The following SLC16A10 variants were observed in gnomAD, a reference collection of about 807,000 sequenced individuals.
SLC16A10 encodes the protein monocarboxylate transporter 10.
In SLC16A10, 27 loss-of-function variants were observed where a neutral mutation model predicts 40.0. That is an observed-to-expected ratio of 0.67 (90% CI 0.50 to 0.93). The LOEUF is 0.93. Among genes scored for constraint, SLC16A10 ranks in the 40% least tolerant of loss-of-function variants. SLC16A10 has a pLI of 0.00. For synonymous variants in SLC16A10, 213 were observed against 249.8 expected (o/e 0.85, Z 1.39); for missense variants, 529 against 658.2 (o/e 0.80, Z 2.15).
At chr6:111,136,050 G>C (rs1227542432) in intron 1 of SLC16A10, among the ~76,000 whole-genome samples, 5 of 152,194 alleles carry the variant, frequency 3.3e-5, no homozygotes, top group Non-Finnish European at 5.9e-5. Flanking sequence ...GGCATAACAG[G>C]TTTCTGCTGA....
intron 3 of SLC16A10, among the ~76,000 whole-genome samples, chr6:111,192,690 G>A (rs1773015381): frequency 6.6e-6 from 1 of 152,132 alleles, no homozygotes. Context: ...GTTCCATATG[G>A]CTGGGGAGGC....
chr6:111,176,608 T>G (rs544236957), intron 2 of SLC16A10, among the ~76,000 whole-genome samples: 8 of 152,350 alleles, frequency 5.3e-5, no homozygotes. Context: ...CTGAGAACAG[T>G]GCAGTACAGG....
At chr6:111,217,472 C>T (rs1274065315) in intron 4 of SLC16A10, among the ~76,000 whole-genome samples, 1 of 151,926 alleles carries the variant, frequency 6.6e-6, no homozygotes, top group Non-Finnish European at 1.5e-5. Context: ...TTGTTTGAGA[C>T]GGAGTCTCGC....
At chr6:111,175,691 G>A (rs564046626) in intron 2 of SLC16A10, among the ~76,000 whole-genome samples, 2 of 148,072 alleles carry the variant, frequency 1.4e-5, no homozygotes, top group Middle Eastern at 3.4e-3. Context: ...TGAATATCTT[G>A]AAGGCAGAAC....
rs572168894 is a variant in SLC16A10 at position 111,198,015 on chromosome 6, G to A, written c.943-8577G>A. 6.6e-5 allele frequency among the ~76,000 whole-genome samples: 10 copies of A among 152,270 alleles called. No homozygotes were observed. The South Asian group carries it at 1.2e-3, about 19-fold the overall frequency. On this transcript the variant is annotated intron_variant, in intron 3 of 5. Transcript: ENST00000368851. ...CAGAAGCCTATCTTAGGCTGGGCACGGTGGCTCACGCCTGTAATCGCAGCA... is the reference window on the plus strand; with the variant it reads ...CAGAAGCCTATCTTAGGCTGGGCACAGTGGCTCACGCCTGTAATCGCAGCA...
At chr6:111,189,504 C>T (rs762788792) in intron 3 of SLC16A10, among the ~76,000 whole-genome samples, 1 of 152,140 alleles carries the variant, frequency 6.6e-6, no homozygotes, top group Non-Finnish European at 1.5e-5. Flanking sequence ...AGGACCCAAT[C>T]ATTGTTTTTT....
At chr6:111,120,370 A>G (rs541343137) in intron 1 of SLC16A10, among the ~76,000 whole-genome samples, 1 of 152,216 alleles carries the variant, frequency 6.6e-6, no homozygotes, top group Non-Finnish European at 1.5e-5. Context: ...ACTTTCAAAT[A>G]TACTTTTTTA....
chr6:111,089,908 GTTTTTTTTTTTTTTTTTTTTT>G (rs541758500), intron 1 of SLC16A10, among the ~76,000 whole-genome samples: 15 of 52,298 alleles, frequency 2.9e-4, no homozygotes, highest in South Asian at 6.9e-4. Context: ...CTGTGGGTGG[GTTTTTTTTTTTTTTTTTTTTT>G]TTTTTTTTTT....
intron 1 of SLC16A10, among the ~76,000 whole-genome samples, chr6:111,168,556 G>A (rs181667064): frequency 9.5e-4 from 145 of 152,276 alleles, no homozygotes; most frequent in Non-Finnish European, 1.5e-3. Flanking sequence ...ATCATAGGTC[G>A]TAAGACCTTG....
At chr6:111,190,474 T>C (rs1022430963) in intron 3 of SLC16A10, among the ~76,000 whole-genome samples, 1 of 152,230 alleles carries the variant, frequency 6.6e-6, no homozygotes, top group Non-Finnish European at 1.5e-5. Context: ...CTGGGGACTC[T>C]GTGTAGGGGC....
chr6:111,185,434 A>G (rs1473296868), intron 3 of SLC16A10, among the ~76,000 whole-genome samples: 2 of 152,222 alleles, frequency 1.3e-5, no homozygotes, highest in African/African-American at 4.8e-5. Flanking sequence ...CACTCAGAGC[A>G]TGCTTCACAG....
intron 4 of SLC16A10, among the ~76,000 whole-genome samples, chr6:111,216,476 T>C (rs892537253): frequency 1.5e-4 from 23 of 152,002 alleles, no homozygotes; most frequent in Middle Eastern, 6.8e-3. Flanking sequence ...CGATCTCGGC[T>C]CACTGCAAGC....
intron 4 of SLC16A10, among the ~76,000 whole-genome samples, chr6:111,216,268 G>A (rs1773419360): frequency 6.6e-6 from 1 of 152,174 alleles, no homozygotes; most frequent in Non-Finnish European, 1.5e-5. Flanking sequence ...TTATGCTTGT[G>A]CTGTCATGGA....
chr6:111,175,254 G>A (rs892703455), intron 2 of SLC16A10, among the ~76,000 whole-genome samples: 30 of 152,156 alleles, frequency 2.0e-4, no homozygotes, highest in Non-Finnish European at 2.8e-4. Flanking sequence ...GCTGCCAAAC[G>A]TCACAAACTG....
intron 5 of SLC16A10, 68 bp from the exon 6 acceptor site, chr6:111,221,935 G>T (rs1368215501): frequency 1.1e-5 from 16 of 1,428,134 alleles, no homozygotes; most frequent in Non-Finnish European, 1.5e-5. Context: ...AATCAGTCCT[G>T]TGGCTGATCT....
chr6:111,186,265 A>G (rs1364272554), intron 3 of SLC16A10, among the ~76,000 whole-genome samples: 11 of 152,188 alleles, frequency 7.2e-5, no homozygotes, highest in Admixed American at 7.2e-4. Context: ...AATGCAGTAT[A>G]CTTTGAATCA....
chr6:111,220,524 A>G (rs1055680500), intron 5 of SLC16A10, among the ~76,000 whole-genome samples: 3 of 152,234 alleles, frequency 2.0e-5, no homozygotes, highest in Admixed American at 1.3e-4. Context: ...AGCTCAATTC[A>G]TTCTCATACC....
chr6:111,194,246 C>T (rs1449719553), intron 3 of SLC16A10, among the ~76,000 whole-genome samples: 1 of 152,048 alleles, frequency 6.6e-6, no homozygotes, highest in Non-Finnish European at 1.5e-5. Flanking sequence ...CTTTGTTCTT[C>T]AATGTATAAT....
intron 3 of SLC16A10, among the ~76,000 whole-genome samples, chr6:111,192,510 A>G (rs189937321): frequency 1.3e-5 from 2 of 151,724 alleles, no homozygotes; most frequent in African/African-American, 4.8e-5. Context: ...GACTGTTCCA[A>G]CCTCTGCCTG....
Sources: allele counts gnomAD v4.1 joint callset (sites outside exome capture counted in the v4.1 genomes callset), GRCh38; gene constraint gnomAD v4.1.1; transcripts MANE v1.5; gene names NCBI Gene and HGNC (gene_info 2026-07-23, HGNC 2026-07-21).